HELZ2: variants seen among roughly 807,000 people sequenced by gnomAD.
The protein encoded by HELZ2 is 3'-5' exoribonuclease HELZ2.
Under a neutral mutation model 208.8 loss-of-function variants are expected in HELZ2, and 143 were observed. The ratio of observed to expected loss-of-function variants is 0.68; its 90% CI spans 0.60 to 0.79. The LOEUF is 0.79. Among genes scored for constraint, HELZ2 ranks in the 30% least tolerant of loss-of-function variants. The pLI is 0.00. For missense variants in HELZ2, 3,690 were observed against 3,794.5 expected (o/e 0.97, Z 0.72); for synonymous variants, 1,705 against 1,693.7 (o/e 1.01, Z -0.16).
chr20:63,569,417 C>T, exon 4 of HELZ2: 1 of 1,608,574 alleles, frequency 6.2e-7, no homozygotes, highest in Non-Finnish European at 8.5e-7. Flanking sequence ...GGCGACGCCC[C>T]TGGCCCAGCT....
chr20:63,558,194 T>C (rs2082835248), downstream of HELZ2: 1 of 152,536 alleles, frequency 6.6e-6, no homozygotes, highest in African/African-American at 2.4e-5. Context: ...CCCTCAGGAC[T>C]GGAGGCGGCA....
chr20:63,561,089 G>T, exon 14 of HELZ2: 1 of 1,611,170 alleles, frequency 6.2e-7, no homozygotes, highest in Non-Finnish European at 8.5e-7. Flanking sequence ...AACCTTCTCG[G>T]CCTGTGGGAA....
intron 10 of HELZ2, 43 bp downstream of exon 11, chr20:63,562,029 T>C (rs2082893715): frequency 2.5e-6 from 4 of 1,600,258 alleles, no homozygotes; most frequent in Non-Finnish European, 2.6e-6. Context: ...TGTGGGTCCC[T>C]GTGGCCCAAG....
exon 4 of HELZ2, chr20:63,569,465 A>G: frequency 6.2e-7 from 1 of 1,610,164 alleles, no homozygotes; most frequent in Non-Finnish European, 8.5e-7. Flanking sequence ...GCCGGCGGCC[A>G]AAGTCGAAGA....
chr20:63,567,309 A>G (rs367440), exon 6 of HELZ2: 1,459,040 of 1,609,768 alleles, frequency 0.91, 662,522 homozygotes, highest in East Asian at 1. Flanking sequence ...CGTGCGAGGC[A>G]TAGGCCAGCG....
Position 63,570,877 on chromosome 20 carries a change from C to T in HELZ2, c.279-9G>A. On this transcript the variant is annotated splice_polypyrimidine_tract_variant and intron_variant, in intron 1 of 18. Transcript: ENST00000467148. ...ACTCACAGAGGTCAGGCCTGGGGGACAGGGAGGTCAGCAGGGCTACACAGA... is the reference window on the plus strand; with the variant it reads ...ACTCACAGAGGTCAGGCCTGGGGGATAGGGAGGTCAGCAGGGCTACACAGA... 6.3e-7 allele frequency: 1 copy of T among 1,576,320 alleles called. No individual in the cohort carries two copies. Among genetic ancestry groups the T allele is most frequent in the Non-Finnish European group, 8.6e-7 (1 of 1,157,294 alleles).
intron 9 of HELZ2, 36 bp downstream of exon 10, chr20:63,562,252 G>A (rs748519666): frequency 1.3e-6 from 2 of 1,598,000 alleles, no homozygotes; most frequent in Non-Finnish European, 8.5e-7. Context: ...GGGGCTGGGG[G>A]CCAGAGGGGA....
At chr20:63,561,934 A>G in exon 11 of HELZ2, 1 of 1,601,706 alleles carries the variant, frequency 6.2e-7, no homozygotes, top group Non-Finnish European at 8.5e-7. Flanking sequence ...TCCTGGTTTG[A>G]TTTATGAAAC....
exon 8 of HELZ2, chr20:63,565,095 G>T: frequency 1.3e-6 from 2 of 1,563,920 alleles, no homozygotes; most frequent in Non-Finnish European, 8.7e-7. Context: ...CGGCCCTTCC[G>T]GAGGCTGTAG....
At chr20:63,561,715 G>A (rs1277421994) in exon 12 of HELZ2, 5 of 1,610,386 alleles carry the variant, frequency 3.1e-6, no homozygotes, top group Middle Eastern at 1.6e-4. Context: ...CACACGGAGG[G>A]GCTTCAGCTC....
At chr20:63,560,082 G>T (rs1406016690) in exon 18 of HELZ2, 1 of 1,601,214 alleles carries the variant, frequency 6.2e-7, no homozygotes. Flanking sequence ...CCAGCACATA[G>T]CGCCACTCGC....
At chr20:63,566,135 C>G in exon 8 of HELZ2, 1 of 1,570,304 alleles carries the variant, frequency 6.4e-7, no homozygotes, top group Non-Finnish European at 8.6e-7. Context: ...GTTGAGCACG[C>G]GGGCGTCGGT....
At chr20:63,564,664 G>A (rs566954987) in exon 8 of HELZ2, 41 of 1,579,576 alleles carry the variant, frequency 2.6e-5, no homozygotes, top group Middle Eastern at 1.7e-4. Flanking sequence ...GCGCCTCCAC[G>A]TCCAGCACCC....
At chr20:63,559,042 C>T (rs1273060458), downstream of HELZ2, 2 of 552,954 alleles carry the variant, frequency 3.6e-6, no homozygotes, top group East Asian at 3.2e-5. Flanking sequence ...GTGTTCCTGT[C>T]CCCAGATGCC....
exon 8 of HELZ2, chr20:63,565,268 C>T: frequency 6.2e-7 from 1 of 1,605,264 alleles, no homozygotes; most frequent in Non-Finnish European, 8.5e-7. Context: ...CCGAAGCCGC[C>T]CCTCGGGCGC....
At chr20:63,569,732 G>C in intron 3 of HELZ2, 67 bp from the exon 5 acceptor site, 1 of 1,421,630 alleles carries the variant, frequency 7.0e-7, no homozygotes, top group East Asian at 2.5e-5. Context: ...AGGCAGCCTG[G>C]CCAGCGTAGC....
exon 8 of HELZ2, chr20:63,564,371 G>A: frequency 6.4e-7 from 1 of 1,559,054 alleles, no homozygotes; most frequent in South Asian, 1.2e-5. Flanking sequence ...CACGACGCAG[G>A]CGTCCACGGA....
At chr20:63,561,838 C>A in exon 11 of HELZ2, 2 of 1,564,106 alleles carry the variant, frequency 1.3e-6, no homozygotes, top group South Asian at 2.3e-5. Context: ...AGGACATCCA[C>A]CGACTTGTTG....
At chr20:63,566,848 G>A (rs2082965197) in exon 6 of HELZ2, 2 of 1,594,714 alleles carry the variant, frequency 1.3e-6, no homozygotes, top group Non-Finnish European at 1.7e-6. Flanking sequence ...GCTCACCTGG[G>A]CACCGTGGGA....
Sources: gnomAD v4.1 joint callset for allele counts on GRCh38, gnomAD v4.1.1 for gene constraint, MANE v1.5 for transcripts, NCBI Gene and HGNC (gene_info 2026-07-23, HGNC 2026-07-21) for gene names.